The following DNAJC3 variants were observed in gnomAD, a reference collection of about 807,000 sequenced individuals.
DNAJC3 encodes dnaJ homolog subfamily C member 3.
Under a neutral mutation model 68.6 loss-of-function variants are expected in DNAJC3, and 38 were observed. That is an observed-to-expected ratio of 0.55 (90% CI 0.43 to 0.73). The LOEUF (loss-of-function observed/expected upper bound fraction) is 0.73, where lower values mean the gene tolerates loss of function less well. DNAJC3 is among the 30% of genes least tolerant of loss of function. The pLI is 0.00. For synonymous variants in DNAJC3, 203 were observed against 204.0 expected (o/e 1.00, Z 0.04); for missense variants, 526 against 591.9 (o/e 0.89, Z 1.16).
In DNAJC3 at chr13:95,677,735, A is replaced by G. The variant is rs138623918; in HGVS notation, c.82+398A>G. Among the ~76,000 whole-genome samples the G allele has an allele frequency of 7.8e-4, 119 of 152,308 alleles. 2 individuals are homozygous for G. In the East Asian group the frequency reaches 0.023, roughly 29 times the overall value. Reference sequence around the variant, plus strand: ...TCATTGGTGCTGGCTGGGAGGAGGCACTAAGGTGGCCAAAAGACTTCCTTC... The same window carrying G: ...TCATTGGTGCTGGCTGGGAGGAGGCGCTAAGGTGGCCAAAAGACTTCCTTC... On this transcript the variant is annotated intron_variant, in intron 1 of 11. Coordinates refer to ENST00000602402, the MANE Select transcript of DNAJC3 (RefSeq NM_006260.5).
At chr13:95,774,049 A>G (rs375291826) in intron 9 of DNAJC3, among the ~76,000 whole-genome samples, 1 of 152,102 alleles carries the variant, frequency 6.6e-6, no homozygotes, top group African/African-American at 2.4e-5. Flanking sequence ...TGGTCTTTTT[A>G]AGGAACCAAC....
At chr13:95,785,839 G>T in intron 9 of DNAJC3, 100 bp from the exon 10 acceptor site, 1 of 1,120,126 alleles carries the variant, frequency 8.9e-7, no homozygotes, top group South Asian at 1.9e-5. Flanking sequence ...AAGAGTGAAG[G>T]GGTTGGGGGA....
chr13:95,794,754 G>A lies in DNAJC3; in HGVS notation c.*3724G>A, dbSNP rs895625826. 5.3e-5 allele frequency: 8 copies of A among 152,328 alleles called. No individual in the cohort carries two copies. Among genetic ancestry groups the A allele is most frequent in the South Asian group, 2.1e-4 (1 of 4,832 alleles). The allele number at this position is 152,328 out of a possible 1,614,324, so 9.4% of individuals were successfully genotyped here. A position where few individuals can be genotyped will look rare whatever the true frequency, so the allele number is the denominator to read the frequency against. On this transcript the variant is annotated 3_prime_UTR_variant, in exon 12 of 12. Transcript: ENST00000602402. ...AAACACTTACCTGCAGTGGAAAGCC[G>A]AGCAAGGAGGAGGTAAACATTGGAG...
At chr13:95,677,723 C>T (rs1359045281) in intron 1 of DNAJC3, among the ~76,000 whole-genome samples, 1 of 152,192 alleles carries the variant, frequency 6.6e-6, no homozygotes, top group Admixed American at 6.5e-5. Flanking sequence ...TTGGTGCTGG[C>T]TGGGAGGAGG....
intron 1 of DNAJC3, among the ~76,000 whole-genome samples, chr13:95,702,316 AC>A (rs1434919974): frequency 6.6e-6 from 1 of 152,200 alleles, no homozygotes; most frequent in Middle Eastern, 3.2e-3. Flanking sequence ...GTCCTTCAGC[AC>A]CCCAAAGAGC....
At chr13:95,767,637 C>T (rs1251477837) in intron 9 of DNAJC3, among the ~76,000 whole-genome samples, 2 of 151,360 alleles carry the variant, frequency 1.3e-5, no homozygotes, top group East Asian at 3.9e-4. Context: ...ACAATTTTAC[C>T]AGCAGTGTAT....
intron 2 of DNAJC3, among the ~76,000 whole-genome samples, chr13:95,722,031 T>C (rs1463019894): frequency 6.6e-6 from 1 of 152,218 alleles, no homozygotes; most frequent in Non-Finnish European, 1.5e-5. Context: ...TTTTAAAAGA[T>C]TGATGGCTGG....
At chr13:95,724,694 C>A (rs2139642795) in intron 3 of DNAJC3, among the ~76,000 whole-genome samples, 2 of 152,282 alleles carry the variant, frequency 1.3e-5, no homozygotes, top group East Asian at 1.9e-4. Flanking sequence ...CTCCTGGCAA[C>A]CACTTATCAT....
rs538291615 is a variant in DNAJC3 at position 95,723,351 on chromosome 13, G to C, written c.303G>C (p.Lys101Asn). The C allele has an allele frequency of 4.0e-5, 64 of 1,612,222 alleles. 1 individual carries two copies. In the South Asian group the frequency reaches 6.3e-4, roughly 16 times the overall value. Residue 101 changes from lysine to asparagine, a missense_variant, in exon 3 of 12, where the codon AAG (lysine) becomes AAC (asparagine). Lys to Asn is a moderately conservative substitution (Grantham distance 94). Coordinates refer to ENST00000602402, the MANE Select transcript of DNAJC3 (RefSeq NM_006260.5). ...ATTTAACTAAAGTGATTCAATTGAA[G>C]ATGGACTTCACTGCAGTAAGTATAT... ...LPDLTKVIQLKMDFTAARLQR... is the reference protein window; with the variant it reads ...LPDLTKVIQLNMDFTAARLQR...
intron 9 of DNAJC3, among the ~76,000 whole-genome samples, chr13:95,772,279 T>G (rs930315353): frequency 1.3e-5 from 2 of 152,224 alleles, no homozygotes; most frequent in African/African-American, 4.8e-5. Context: ...ATATCACACT[T>G]TATCTACTGT....
chr13:95,786,901 A>G (rs1323600131), intron 10 of DNAJC3, 106 bp from the exon 11 acceptor site: 11 of 1,362,660 alleles, frequency 8.1e-6, no homozygotes, highest in Non-Finnish European at 1.1e-5. Context: ...ATTTTATAAA[A>G]CCAGTTTTGT....
chr13:95,764,217 A>C (rs1215872894), intron 9 of DNAJC3, among the ~76,000 whole-genome samples: 2 of 152,260 alleles, frequency 1.3e-5, no homozygotes, highest in African/African-American at 4.8e-5. Context: ...AGGAAAAAAA[A>C]TAACAAAATA....
intron 4 of DNAJC3, among the ~76,000 whole-genome samples, chr13:95,736,323 A>AT (rs1881916925): frequency 6.6e-6 from 1 of 151,648 alleles, no homozygotes; most frequent in Non-Finnish European, 1.5e-5. Flanking sequence ...TTGGTTCCAT[A>AT]TGAACTTTAA....
intron 4 of DNAJC3, among the ~76,000 whole-genome samples, chr13:95,738,584 T>C (rs556952179): frequency 6.6e-6 from 1 of 152,342 alleles, no homozygotes; most frequent in South Asian, 2.1e-4. Flanking sequence ...GTCATGGCCT[T>C]CTTTGTCTCT....
chr13:95,728,856 G>GT (rs1180679569), intron 4 of DNAJC3, among the ~76,000 whole-genome samples: 1 of 151,996 alleles, frequency 6.6e-6, no homozygotes, highest in Non-Finnish European at 1.5e-5. Flanking sequence ...ACAATATATT[G>GT]TTAACTACCC....
At chr13:95,751,633 A>T (rs1245145003) in intron 4 of DNAJC3, among the ~76,000 whole-genome samples, 1 of 152,226 alleles carries the variant, frequency 6.6e-6, no homozygotes, top group Non-Finnish European at 1.5e-5. Flanking sequence ...TTTGATTAAA[A>T]ACTACAAGAT....
intron 9 of DNAJC3, among the ~76,000 whole-genome samples, chr13:95,776,631 A>G (rs1453131898): frequency 2.0e-5 from 3 of 152,124 alleles, no homozygotes; most frequent in Admixed American, 1.3e-4. Context: ...GATATTTAGG[A>G]AAGTTTGTAT....
chr13:95,761,263 CT>C (rs890787064), intron 7 of DNAJC3, among the ~76,000 whole-genome samples: 16 of 146,982 alleles, frequency 1.1e-4, no homozygotes, highest in Admixed American at 6.8e-5. Flanking sequence ...AAAAGAGGAG[CT>C]TTTTTTTTTA....
intron 7 of DNAJC3, among the ~76,000 whole-genome samples, chr13:95,761,640 C>CTTGT (rs1882823814): frequency 6.6e-6 from 1 of 152,214 alleles, no homozygotes; most frequent in East Asian, 1.9e-4. Context: ...CTTATAGCCA[C>CTTGT]ACCTACTTCC....
Sources: gnomAD v4.1 joint callset for allele counts (sites outside exome capture counted in the v4.1 genomes callset) on GRCh38, gnomAD v4.1.1 for gene constraint, MANE v1.5 for transcripts, NCBI Gene and HGNC (gene_info 2026-07-23, HGNC 2026-07-21) for gene names.